EDC3: variants seen among roughly 807,000 people sequenced by gnomAD.
EDC3 encodes enhancer of mRNA decapping 3.
A neutral mutation model predicts 41.8 loss-of-function variants in EDC3; 20 were observed. The observed-to-expected ratio is 0.48, with a 90% confidence interval of 0.34 to 0.70. The LOEUF (loss-of-function observed/expected upper bound fraction) is 0.70, where lower values mean the gene tolerates loss of function less well. EDC3 is among the 30% of genes least tolerant of loss of function. The pLI is 0.01. For missense variants in EDC3, 444 were observed against 636.8 expected, an observed-to-expected ratio of 0.70 and a Z score of 3.26; for synonymous variants, 206 against 243.2, an observed-to-expected ratio of 0.85 and a Z score of 1.42.
chr15:74,673,219 C>G (rs1567175125), intron 2 of EDC3, among the ~76,000 whole-genome samples: 1 of 151,868 alleles, frequency 6.6e-6, no homozygotes. Context: ...GAAGACCAAG[C>G]AAGAAATAAG....
intron 4 of EDC3, chr15:74,641,827 AC>A (rs2062355689): frequency 6.5e-6 from 1 of 153,034 alleles, no homozygotes; most frequent in African/African-American, 2.4e-5. Flanking sequence ...TTCCAGCTAC[AC>A]TTATCAACGG....
At chr15:74,635,313 G>A in intron 6 of EDC3, 96 bp downstream of exon 6, 1 of 1,151,880 alleles carries the variant, frequency 8.7e-7, no homozygotes, top group Non-Finnish European at 1.3e-6. Context: ...TACACACGTA[G>A]TGCCTTTCCA....
At chr15:74,653,471 A>G (rs936042377) in intron 4 of EDC3, among the ~76,000 whole-genome samples, 1 of 152,212 alleles carries the variant, frequency 6.6e-6, no homozygotes, top group African/African-American at 2.4e-5. Flanking sequence ...GAAGTTGCTC[A>G]GTAAGATAAC....
intron 1 of EDC3, among the ~76,000 whole-genome samples, chr15:74,675,450 T>C (rs928539528): frequency 6.6e-6 from 1 of 151,674 alleles, no homozygotes; most frequent in Non-Finnish European, 1.5e-5. Context: ...TTAATAAATC[T>C]GCTGTCAAAA....
At chr15:74,686,445 C>A (rs887862237) in intron 1 of EDC3, among the ~76,000 whole-genome samples, 1 of 151,910 alleles carries the variant, frequency 6.6e-6, no homozygotes, top group African/African-American at 2.4e-5. Flanking sequence ...TGAGATCACA[C>A]CATTGCACTC....
intron 4 of EDC3, among the ~76,000 whole-genome samples, chr15:74,647,929 A>G (rs7161903): frequency 0.31 from 46,841 of 152,090 alleles, 9,774 homozygotes; most frequent in African/African-American, 0.55. Context: ...CTCCCAGAAT[A>G]ACATCCTTGT....
chr15:74,655,040 G>T (rs771959768), intron 4 of EDC3, among the ~76,000 whole-genome samples: 6 of 152,206 alleles, frequency 3.9e-5, no homozygotes, highest in Non-Finnish European at 8.8e-5. Flanking sequence ...TGTGGTTTGA[G>T]GGGAAGGGAT....
intron 6 of EDC3, among the ~76,000 whole-genome samples, chr15:74,633,920 A>C (rs547907878): frequency 6.6e-6 from 1 of 152,268 alleles, no homozygotes; most frequent in African/African-American, 2.4e-5. Context: ...TGAGGCTCTC[A>C]AGAGTGAGAG....
At chr15:74,684,511 A>G (rs2062913733) in intron 1 of EDC3, among the ~76,000 whole-genome samples, 1 of 151,238 alleles carries the variant, frequency 6.6e-6, no homozygotes, top group African/African-American at 2.4e-5. Flanking sequence ...GTGGGGTTGA[A>G]ATAAATGCTT....
intron 4 of EDC3, among the ~76,000 whole-genome samples, chr15:74,651,872 CCAAA>C (rs1394285342): frequency 2.0e-5 from 3 of 152,176 alleles, no homozygotes; most frequent in African/African-American, 7.2e-5. Context: ...ACCTAACCTA[CCAAA>C]CAAACATCAT....
chr15:74,640,872 C>G, intron 4 of EDC3: 1 of 492,224 alleles, frequency 2.0e-6, no homozygotes, highest in Middle Eastern at 5.8e-4. Context: ...AGCAATTTAG[C>G]TTTAGACCAC....
chr15:74,657,539 A>T (rs919444002), intron 3 of EDC3, among the ~76,000 whole-genome samples: 1 of 152,206 alleles, frequency 6.6e-6, no homozygotes. Context: ...AGTCCTGTGA[A>T]TAGGTCAGGG....
intron 3 of EDC3, among the ~76,000 whole-genome samples, chr15:74,666,017 C>T (rs1363159670): frequency 2.0e-5 from 3 of 152,038 alleles, no homozygotes; most frequent in Non-Finnish European, 4.4e-5. Context: ...AGGCTGGTCT[C>T]AAACTCCTGA....
intron 1 of EDC3, among the ~76,000 whole-genome samples, chr15:74,682,571 T>G (rs1596331585): frequency 1.6e-5 from 2 of 126,628 alleles, no homozygotes; most frequent in South Asian, 2.5e-4. Context: ...TGAGCCGAGA[T>G]GGGGCCACTG....
chr15:74,670,521 C>T (rs1346951422), intron 3 of EDC3, among the ~76,000 whole-genome samples: 1 of 152,158 alleles, frequency 6.6e-6, no homozygotes. Flanking sequence ...CCTCTGCCTC[C>T]TGGGTTCAAG....
rs2062221921 is a variant in EDC3, at chr15:74,632,429, G to A, written c.*183C>T. On this transcript the variant is annotated 3_prime_UTR_variant, in exon 7 of 7. Coordinates refer to ENST00000315127, the MANE Select transcript of EDC3 (RefSeq NM_025083.5). The surrounding 1 kb of genome is among the most constrained non-coding windows in gnomAD (Gnocchi z 4.0). ...CCTGCCACCCAGCCCGGAACCCAGTGGGAAAGACTTCCCTGGCTAAGAGCA... is the reference window on the plus strand; with the variant it reads ...CCTGCCACCCAGCCCGGAACCCAGTAGGAAAGACTTCCCTGGCTAAGAGCA... 2.7e-6 allele frequency: 2 copies of A among 735,418 alleles called. No individual in the cohort carries two copies. The highest frequency in any genetic ancestry group is 5.4e-5 in the East Asian group (2 of 36,742). The allele number at this position is 735,418 out of a possible 1,614,324, so 45.6% of individuals were successfully genotyped here.
intron 3 of EDC3, among the ~76,000 whole-genome samples, chr15:74,665,502 T>C (rs2062667722): frequency 6.6e-6 from 1 of 152,228 alleles, no homozygotes; most frequent in Non-Finnish European, 1.5e-5. Flanking sequence ...ATTTGATAAA[T>C]ATGAATTATA....
At chr15:74,695,160 G>C (rs1448975573) in intron 1 of EDC3, among the ~76,000 whole-genome samples, 1 of 152,192 alleles carries the variant, frequency 6.6e-6, no homozygotes, top group African/African-American at 2.4e-5. Flanking sequence ...GGAGAAGACT[G>C]TTGGCTTGGT....
In EDC3 at chr15:74,675,009, C is replaced by A; in HGVS notation, c.116G>T (p.Arg39Leu). The part of the protein sequence containing the change: ...DQVSQTISLT[R>L]PFHNGVKCLV... The stretch of plus-strand genomic sequence containing the variant: ...ACACTTCACTCCATTATGGAAAGGC[C>A]GGGTGAGAGAAATGGTCTGGCTGAC... Residue 39 changes from arginine to leucine, a missense_variant, in exon 2 of 7, where the codon CGG (arginine) becomes CTG (leucine). Arg to Leu is a moderately radical substitution (Grantham distance 102). Transcript: ENST00000315127. The A allele has an allele frequency of 6.2e-7, 1 of 1,614,068 alleles. No individual in the cohort carries two copies.
Sources: allele counts gnomAD v4.1 joint callset (sites outside exome capture counted in the v4.1 genomes callset), GRCh38; gene constraint gnomAD v4.1.1; non-coding constraint Gnocchi (gnomAD v3.1); transcripts MANE v1.5; gene names NCBI Gene and HGNC (gene_info 2026-07-23, HGNC 2026-07-21).